ZNF438: variants seen among roughly 807,000 people sequenced by gnomAD.
ZNF438 encodes the protein zinc finger protein 438.
ZNF438 carries 25 observed loss-of-function variants against 38.0 expected under a neutral mutation model. The ratio of observed to expected loss-of-function variants is 0.66; its 90% CI spans 0.48 to 0.92. The LOEUF (loss-of-function observed/expected upper bound fraction) is 0.92, where lower values mean the gene tolerates loss of function less well. Among genes scored for constraint, ZNF438 ranks in the 40% least tolerant of loss-of-function variants. The probability of loss-of-function intolerance (pLI) is 0.00; values close to 1 mark genes in which losing one functional copy is unlikely to be tolerated. For synonymous variants in ZNF438, 372 were observed against 364.1 expected (o/e 1.02, Z -0.25); for missense variants, 1,007 against 999.6 (o/e 1.01, Z -0.10).
chr10:30,845,373 T>C, exon 6 of ZNF438: 1 of 1,614,180 alleles, frequency 6.2e-7, no homozygotes, highest in Non-Finnish European at 8.5e-7. Flanking sequence ...CTGCACCAAC[T>C]CTTCCTGAGT....
intron 4 of ZNF438, chr10:30,875,376 A>T: frequency 6.1e-6 from 6 of 984,500 alleles, no homozygotes; most frequent in Non-Finnish European, 7.2e-6. Context: ...CGATTTTTCA[A>T]TGAGAAAACT....
At chr10:30,863,100 T>C (rs1160528366) in intron 4 of ZNF438, among the ~76,000 whole-genome samples, 2 of 152,200 alleles carry the variant, frequency 1.3e-5, no homozygotes, top group Admixed American at 6.5e-5. Flanking sequence ...TAGTTCATGA[T>C]TTGTAAGTAC....
chr10:30,947,903 C>T (rs549060252), intron 1 of ZNF438, among the ~76,000 whole-genome samples: 15 of 152,326 alleles, frequency 9.8e-5, no homozygotes, highest in Middle Eastern at 3.4e-3. Context: ...CACTGACCTG[C>T]GCCCACTGTC....
At chr10:31,021,851 G>A (rs1564359341) in intron 1 of ZNF438, among the ~76,000 whole-genome samples, 1 of 152,176 alleles carries the variant, frequency 6.6e-6, no homozygotes, top group Non-Finnish European at 1.5e-5. Flanking sequence ...CCTGCCATCA[G>A]AAGTTGACAA....
At chr10:30,848,557 C>T in exon 5 of ZNF438, 3 of 1,613,522 alleles carry the variant, frequency 1.9e-6, no homozygotes, top group Non-Finnish European at 2.5e-6. Context: ...CCATGCCTCG[C>T]ACACTCATGT....
intron 1 of ZNF438, among the ~76,000 whole-genome samples, chr10:30,952,273 C>T (rs17571246): frequency 0.11 from 16,344 of 145,032 alleles, 1,074 homozygotes; most frequent in Middle Eastern, 0.18. Flanking sequence ...AAGACTTAAA[C>T]GTTAGACCTA....
intron 3 of ZNF438, among the ~76,000 whole-genome samples, chr10:30,878,682 A>T (rs1332583848): frequency 1.3e-5 from 2 of 152,166 alleles, no homozygotes; most frequent in African/African-American, 2.4e-5. Flanking sequence ...CATAAACGGT[A>T]AAGCTAAGCT....
chr10:30,948,496 C>G (rs1450038806), intron 1 of ZNF438, among the ~76,000 whole-genome samples: 1 of 152,008 alleles, frequency 6.6e-6, no homozygotes, highest in African/African-American at 2.4e-5. Flanking sequence ...AAGTTGAAAA[C>G]TTTGAAAAAA....
At chr10:30,977,010 G>A (rs1238200098) in intron 1 of ZNF438, among the ~76,000 whole-genome samples, 5 of 152,016 alleles carry the variant, frequency 3.3e-5, no homozygotes, top group South Asian at 4.1e-4. Flanking sequence ...GTAACTTTAC[G>A]AAAACTGATC....
chr10:31,018,887 T>C (rs113806241), intron 1 of ZNF438, among the ~76,000 whole-genome samples: 4 of 152,272 alleles, frequency 2.6e-5, no homozygotes, highest in African/African-American at 9.6e-5. Context: ...GCAGACGAAG[T>C]TCAGGACAAG....
At chr10:30,869,336 T>C (rs1015582364) in intron 4 of ZNF438, among the ~76,000 whole-genome samples, 2 of 151,472 alleles carry the variant, frequency 1.3e-5, no homozygotes, top group Non-Finnish European at 2.9e-5. Flanking sequence ...ATCACACCAT[T>C]GCACTCCAGC....
chr10:30,874,921 C>A (rs952924804), intron 4 of ZNF438, among the ~76,000 whole-genome samples: 1 of 151,784 alleles, frequency 6.6e-6, no homozygotes, highest in African/African-American at 2.4e-5. Context: ...GTGGTCTTGG[C>A]AAAAAGTACC....
chr10:31,018,203 GCAAT>G (rs1367205683), intron 1 of ZNF438, among the ~76,000 whole-genome samples: 7 of 152,230 alleles, frequency 4.6e-5, no homozygotes, highest in African/African-American at 1.7e-4. Context: ...TTCCAACACT[GCAAT>G]GCCCCATATT....
chr10:30,916,780 A>G (rs2043686590), intron 2 of ZNF438, among the ~76,000 whole-genome samples: 1 of 152,046 alleles, frequency 6.6e-6, no homozygotes, highest in Non-Finnish European at 1.5e-5. Flanking sequence ...GTATTTCTCT[A>G]TGTAGATTAC....
chr10:30,934,078 G>A lies in ZNF438; in HGVS notation c.-115+7497C>T, dbSNP rs528211427. ...AGAGAATGGTGTGAACCCGGGAGGC[G>A]GAGATTGCAGTGAGCCGAGATCGCG... On this transcript the variant is annotated intron_variant, in intron 2 of 5. Transcript: ENST00000413025. 2.6e-5 allele frequency among the ~76,000 whole-genome samples: 4 copies of A among 151,930 alleles called. No individual in the cohort carries two copies. The East Asian group carries it at 5.8e-4, about 22-fold the overall frequency.
intron 2 of ZNF438, among the ~76,000 whole-genome samples, chr10:30,928,878 T>A (rs917926543): frequency 6.6e-6 from 1 of 152,088 alleles, no homozygotes; most frequent in Non-Finnish European, 1.5e-5. Flanking sequence ...TGAACATCTG[T>A]TTTTAGCACC....
intron 1 of ZNF438, among the ~76,000 whole-genome samples, chr10:30,967,814 G>T (rs1397602869): frequency 6.6e-6 from 1 of 152,138 alleles, no homozygotes; most frequent in Non-Finnish European, 1.5e-5. Flanking sequence ...GGTTACTGGA[G>T]CCTGGGAATG....
chr10:30,896,972 A>C (rs770927823), intron 3 of ZNF438, among the ~76,000 whole-genome samples: 2 of 152,216 alleles, frequency 1.3e-5, no homozygotes, highest in Non-Finnish European at 2.9e-5. Context: ...TTTAACTTTT[A>C]CTGGAAGCAT....
chr10:30,960,079 T>C (rs527502995), intron 1 of ZNF438, among the ~76,000 whole-genome samples: 52 of 147,366 alleles, frequency 3.5e-4, no homozygotes, highest in African/African-American at 1.2e-3. Context: ...CTCTCATGTC[T>C]TTTCAGATGA....
Sources: gnomAD v4.1 joint callset for allele counts (sites outside exome capture counted in the v4.1 genomes callset) on GRCh38, gnomAD v4.1.1 for gene constraint, MANE v1.5 for transcripts, NCBI Gene and HGNC (gene_info 2026-07-23, HGNC 2026-07-21) for gene names.